UBE2N: variants seen among roughly 807,000 people sequenced by gnomAD.
UBE2N encodes the protein ubiquitin conjugating enzyme E2 N.
For missense variants in UBE2N, 60 were observed against 192.1 expected, an observed-to-expected ratio of 0.31 and a Z score of 4.07; for synonymous variants, 70 against 69.2, an observed-to-expected ratio of 1.01 and a Z score of -0.06.
intron 1 of UBE2N, among the ~76,000 whole-genome samples, chr12:93,429,054 G>A (rs1245241137): frequency 9.2e-5 from 14 of 151,980 alleles, no homozygotes; most frequent in Non-Finnish European, 1.3e-4. Context: ...GGCGGATCAC[G>A]AGGTCAGGAG....
chr12:93,419,700 C>G (rs892672244), intron 1 of UBE2N, among the ~76,000 whole-genome samples: 5 of 152,156 alleles, frequency 3.3e-5, no homozygotes, highest in Non-Finnish European at 7.4e-5. Context: ...TTACTGTACC[C>G]AAGTTTGCTA....
chr12:93,414,171 T>C (rs1218084565), intron 1 of UBE2N, among the ~76,000 whole-genome samples: 1 of 138,926 alleles, frequency 7.2e-6, no homozygotes, highest in Non-Finnish European at 1.5e-5. Flanking sequence ...AAAAAAAGTC[T>C]GGGCATGGTG....
intron 1 of UBE2N, among the ~76,000 whole-genome samples, chr12:93,436,714 G>C (rs1878945137): frequency 6.6e-6 from 1 of 151,922 alleles, no homozygotes. Context: ...TTGGGCCTCA[G>C]TCTCCCAAAG....
chr12:93,429,269 CAAAAAAAA>C (rs748950148), intron 1 of UBE2N: 1 of 244,078 alleles, frequency 4.1e-6, no homozygotes, highest in African/African-American at 3.8e-5. Flanking sequence ...GACTCTGTCT[CAAAAAAAA>C]AAAAAGAAAG....
intron 1 of UBE2N, among the ~76,000 whole-genome samples, chr12:93,438,173 T>A (rs544129745): frequency 6.6e-6 from 1 of 152,226 alleles, no homozygotes; most frequent in South Asian, 2.1e-4. Context: ...TAGGCACGAA[T>A]GAGCAATGCC....
chr12:93,439,076 T>A (rs79885145), intron 1 of UBE2N, among the ~76,000 whole-genome samples: 2,910 of 152,344 alleles, frequency 0.019, 83 homozygotes, highest in African/African-American at 0.062. Context: ...GTGATCATTA[T>A]AAGTTAGAAA....
At chr12:93,415,224 T>A (rs918246621) in intron 1 of UBE2N, among the ~76,000 whole-genome samples, 1 of 152,054 alleles carries the variant, frequency 6.6e-6, no homozygotes, top group Non-Finnish European at 1.5e-5. Flanking sequence ...TAAAAAAAAA[T>A]ACATCATAAA....
At chr12:93,434,075 G>A (rs1363425217) in intron 1 of UBE2N, among the ~76,000 whole-genome samples, 4 of 152,114 alleles carry the variant, frequency 2.6e-5, no homozygotes, top group African/African-American at 4.8e-5. Flanking sequence ...GGTGGATCAC[G>A]AGGTCAGGAG....
intron 1 of UBE2N, among the ~76,000 whole-genome samples, chr12:93,422,835 T>C (rs1429663533): frequency 6.6e-6 from 1 of 152,230 alleles, no homozygotes; most frequent in Non-Finnish European, 1.5e-5. Flanking sequence ...ATGTTAAAAA[T>C]TCCCCCACTC....
intron 1 of UBE2N, among the ~76,000 whole-genome samples, chr12:93,432,688 C>T (rs889576465): frequency 6.6e-6 from 1 of 151,770 alleles, no homozygotes; most frequent in African/African-American, 2.4e-5. Flanking sequence ...CCAAAATTAA[C>T]CAAACTGACA....
chr12:93,422,511 T>G (rs1057093208), intron 1 of UBE2N, among the ~76,000 whole-genome samples: 1 of 152,142 alleles, frequency 6.6e-6, no homozygotes, highest in Admixed American at 6.5e-5. Flanking sequence ...ACAAACCTAT[T>G]GCATATTTTA....
chr12:93,422,450 T>C (rs1200960989), intron 1 of UBE2N, among the ~76,000 whole-genome samples: 1 of 152,262 alleles, frequency 6.6e-6, no homozygotes, highest in African/African-American at 2.4e-5. Flanking sequence ...CCTAGCTTAG[T>C]AACACAGTTC....
At chr12:93,427,328 A>G (rs973247387) in intron 1 of UBE2N, among the ~76,000 whole-genome samples, 78 of 152,252 alleles carry the variant, frequency 5.1e-4, no homozygotes, top group African/African-American at 1.8e-3. Flanking sequence ...GAGCCAATAC[A>G]GATTACCTAT....
chr12:93,422,972 C>T (rs1878464403), intron 1 of UBE2N, among the ~76,000 whole-genome samples: 1 of 152,178 alleles, frequency 6.6e-6, no homozygotes, highest in South Asian at 2.1e-4. Context: ...AAAGGACTGC[C>T]TGGAAGCATT....
chr12:93,432,763 G>A (rs11831401), intron 1 of UBE2N, among the ~76,000 whole-genome samples: 18,739 of 151,998 alleles, frequency 0.12, 3,715 homozygotes, highest in African/African-American at 0.42. Flanking sequence ...AACATAGCCA[G>A]TTGTTTTAAT....
At chr12:93,438,533 G>C (rs1403174003) in intron 1 of UBE2N, among the ~76,000 whole-genome samples, 1 of 152,042 alleles carries the variant, frequency 6.6e-6, no homozygotes, top group African/African-American at 2.4e-5. Context: ...GATGCGCTCA[G>C]AAGTAGGCAT....
chr12:93,439,789 CACTAA>C (rs1879045171), intron 1 of UBE2N, among the ~76,000 whole-genome samples: 2 of 152,144 alleles, frequency 1.3e-5, no homozygotes, highest in Non-Finnish European at 2.9e-5. Context: ...CTATAAATGA[CACTAA>C]ACTAGTAAGA....
At chr12:93,435,496 C>T (rs552545110) in intron 1 of UBE2N, among the ~76,000 whole-genome samples, 1 of 151,732 alleles carries the variant, frequency 6.6e-6, no homozygotes, top group Non-Finnish European at 1.5e-5. Flanking sequence ...AAAAAATGTT[C>T]AAGGCAGAGA....
intron 1 of UBE2N, among the ~76,000 whole-genome samples, chr12:93,417,971 T>C (rs1056470398): frequency 6.6e-6 from 1 of 152,220 alleles, no homozygotes; most frequent in Non-Finnish European, 1.5e-5. Context: ...ATCTGCAAGT[T>C]CACCCTCTAT....
Sources: allele counts gnomAD v4.1 joint callset (sites outside exome capture counted in the v4.1 genomes callset), GRCh38; gene constraint gnomAD v4.1.1; transcripts MANE v1.5; gene names NCBI Gene and HGNC (gene_info 2026-07-23, HGNC 2026-07-21).